CLDN10: variants seen among roughly 807,000 people sequenced by gnomAD.
CLDN10 encodes the protein claudin-10.
In CLDN10, 15 loss-of-function variants were observed where a neutral mutation model predicts 22.9. The observed-to-expected ratio is 0.65, with a 90% CI of 0.44 to 1.01. The LOEUF (loss-of-function observed/expected upper bound fraction) is 1.01. CLDN10 is among the 50% of genes least tolerant of loss of function. CLDN10 has a pLI of 0.00. For missense variants in CLDN10, 247 were observed against 287.8 expected, an observed-to-expected ratio of 0.86 and a Z score of 1.03; for synonymous variants, 114 against 111.4, an observed-to-expected ratio of 1.02 and a Z score of -0.15.
At chr13:95,486,522 CAAAAAA>C (rs35424054) in intron 1 of CLDN10, among the ~76,000 whole-genome samples, 2 of 113,364 alleles carry the variant, frequency 1.8e-5, no homozygotes, top group Non-Finnish European at 1.8e-5. Flanking sequence ...GACCCCATCT[CAAAAAA>C]AAAAAAAAAA....
At chr13:95,541,305 C>A (rs186307521) in intron 1 of CLDN10, among the ~76,000 whole-genome samples, 1 of 152,186 alleles carries the variant, frequency 6.6e-6, no homozygotes, top group Non-Finnish European at 1.5e-5. Context: ...GGCAACTATA[C>A]GCAAGTGAGC....
chr13:95,469,367 C>T (rs1405792817), intron 1 of CLDN10, among the ~76,000 whole-genome samples: 1 of 151,242 alleles, frequency 6.6e-6, no homozygotes, highest in African/African-American at 2.4e-5. Context: ...TTAACTTCAC[C>T]TTCTATATTT....
At chr13:95,489,756 T>C (rs548634388) in intron 1 of CLDN10, among the ~76,000 whole-genome samples, 117 of 152,332 alleles carry the variant, frequency 7.7e-4, no homozygotes, top group African/African-American at 2.7e-3. Context: ...TTTTATTGCA[T>C]TTGTTTTTGG....
chr13:95,555,211 C>A (rs1039064375), intron 1 of CLDN10, among the ~76,000 whole-genome samples: 1 of 152,104 alleles, frequency 6.6e-6, no homozygotes, highest in East Asian at 1.9e-4. Context: ...CCACCATGCC[C>A]GGCTAATTTT....
chr13:95,544,689 C>T (rs1018284395), intron 1 of CLDN10, among the ~76,000 whole-genome samples: 10 of 152,168 alleles, frequency 6.6e-5, no homozygotes, highest in East Asian at 3.9e-4. Flanking sequence ...ACCTGAATCA[C>T]GAAGCCTCCT....
chr13:95,499,212 T>G (rs2042958907), intron 1 of CLDN10, among the ~76,000 whole-genome samples: 1 of 152,164 alleles, frequency 6.6e-6, no homozygotes, highest in Admixed American at 6.6e-5. Context: ...TGGCAGCAAT[T>G]ATTAAGCACC....
At chr13:95,561,287 T>G (rs1038382141) in intron 3 of CLDN10, among the ~76,000 whole-genome samples, 2 of 152,234 alleles carry the variant, frequency 1.3e-5, no homozygotes, top group Non-Finnish European at 2.9e-5. Flanking sequence ...ATAGAATTTT[T>G]AAGAAGTATA....
rs147859665 is a variant in CLDN10 at position 95,452,065 on chromosome 13, G to T, written c.214+18018G>T. Among the ~76,000 whole-genome samples the T allele has an allele frequency of 5.1e-4, 77 of 152,248 alleles. 2 individuals are homozygous for T. The East Asian group carries it at 0.015, about 29-fold the overall frequency. On this transcript the variant is annotated intron_variant, in intron 1 of 4. Transcript: ENST00000376873. ...AAGGTTCAAACACCATCTCTTTAAT[G>T]ATCTATTCTGGAATTTTCCTATCAT...
At chr13:95,505,749 C>CTTTTTTTTTTTTTTTTTTTTTTTTTTT (rs34828390) in intron 1 of CLDN10, among the ~76,000 whole-genome samples, 2 of 103,738 alleles carry the variant, frequency 1.9e-5, no homozygotes, top group Non-Finnish European at 3.8e-5. Context: ...CCTTCCCTTT[C>CTTTTTTTTTTTTTTTTTTTTTTTTTTT]TTTTTTTTTT....
At chr13:95,436,959 A>G (rs1015191267) in intron 1 of CLDN10, among the ~76,000 whole-genome samples, 1 of 152,232 alleles carries the variant, frequency 6.6e-6, no homozygotes, top group African/African-American at 2.4e-5. Flanking sequence ...TTAAGCCTAT[A>G]TTGTCAATTT....
At chr13:95,537,483 G>A (rs773658559) in intron 1 of CLDN10, among the ~76,000 whole-genome samples, 49 of 152,132 alleles carry the variant, frequency 3.2e-4, no homozygotes, top group Non-Finnish European at 5.7e-4. Flanking sequence ...GGGATGATAT[G>A]CCAAAAAGGT....
At chr13:95,507,484 G>T (rs2043049981) in intron 1 of CLDN10, among the ~76,000 whole-genome samples, 1 of 152,066 alleles carries the variant, frequency 6.6e-6, no homozygotes, top group Non-Finnish European at 1.5e-5. Flanking sequence ...TTCCTAGAGT[G>T]ATTATAAAGA....
intron 1 of CLDN10, among the ~76,000 whole-genome samples, chr13:95,553,503 C>T (rs1431518193): frequency 6.6e-6 from 1 of 152,152 alleles, no homozygotes; most frequent in Non-Finnish European, 1.5e-5. Flanking sequence ...AGGTTGGAAG[C>T]GGGAAAACAT....
chr13:95,486,820 G>T (rs931600839), intron 1 of CLDN10, among the ~76,000 whole-genome samples: 7 of 152,154 alleles, frequency 4.6e-5, no homozygotes, highest in African/African-American at 1.4e-4. Context: ...GCTCTTTGGG[G>T]AGGCAGAACT....
chr13:95,544,546 C>T (rs939351332), intron 1 of CLDN10, among the ~76,000 whole-genome samples: 1 of 152,124 alleles, frequency 6.6e-6, no homozygotes, highest in African/African-American at 2.4e-5. Context: ...ATCATAGAAA[C>T]AGCTATTGCT....
chr13:95,455,044 G>C (rs536265968), intron 1 of CLDN10, among the ~76,000 whole-genome samples: 1 of 152,226 alleles, frequency 6.6e-6, no homozygotes, highest in East Asian at 1.9e-4. Context: ...GGGTGTGGTG[G>C]AGTACAACTG....
intron 1 of CLDN10, among the ~76,000 whole-genome samples, chr13:95,507,629 T>A (rs1447969572): frequency 6.7e-6 from 1 of 148,234 alleles, no homozygotes; most frequent in Non-Finnish European, 1.5e-5. Context: ...AAAAAAAAAT[T>A]TTTTTTTTTT....
Position 95,538,158 on chromosome 13 carries a change from T to C in CLDN10, c.215-21974T>C, listed in dbSNP as rs1391886355. ...CATTGACAAACTGTTTATTTCTTTT[T>C]TTTTTTTTTTTTTTTTTTTTTTTGA... On this transcript the variant is annotated intron_variant, in intron 1 of 4. Transcript: ENST00000376873. Among the ~76,000 whole-genome samples the C allele has an allele frequency of 2.2e-3, 290 of 129,304 alleles. 4 individuals carry two copies. The highest frequency in any genetic ancestry group is 7.9e-3 in the African/African-American group (275 of 35,010). The allele number at this position is 129,304 out of a possible 152,430, so 84.8% of individuals were successfully genotyped here. A position where few individuals can be genotyped will look rare whatever the true frequency, so the allele number is the denominator to read the frequency against.
chr13:95,484,687 A>G (rs9524976), intron 1 of CLDN10, among the ~76,000 whole-genome samples: 1 of 69,110 alleles, frequency 1.4e-5, no homozygotes, highest in Non-Finnish European at 2.6e-5. Context: ...TACTAAAAAT[A>G]CAAAAAAAAA....
Sources: gnomAD v4.1 joint callset for allele counts (sites outside exome capture counted in the v4.1 genomes callset) on GRCh38, gnomAD v4.1.1 for gene constraint, MANE v1.5 for transcripts, NCBI Gene and HGNC (gene_info 2026-07-23, HGNC 2026-07-21) for gene names.